CYLD: variants seen among roughly 807,000 people sequenced by gnomAD.
CYLD encodes the protein ubiquitin carboxyl-terminal hydrolase CYLD.
In CYLD, 26 loss-of-function variants were observed where a neutral mutation model predicts 104.5. The observed-to-expected ratio is 0.25, with a 90% CI of 0.18 to 0.35. CYLD has a LOEUF of 0.35. Ranked by LOEUF, CYLD falls within the 10% of genes least tolerant of loss-of-function variation. The pLI, the probability that CYLD is intolerant of heterozygous loss-of-function variation, is 1.00. For missense variants in CYLD, 703 were observed against 1,136.1 expected, an observed-to-expected ratio of 0.62 and a Z score of 5.48; for synonymous variants, 385 against 399.9, an observed-to-expected ratio of 0.96 and a Z score of 0.45.
intron 14 of CYLD, among the ~76,000 whole-genome samples, chr16:50,788,631 T>G (rs972699719): frequency 2.0e-5 from 3 of 152,176 alleles, no homozygotes; most frequent in African/African-American, 4.8e-5. Flanking sequence ...GAAATGAGAC[T>G]GATACATAAC....
intron 14 of CYLD, among the ~76,000 whole-genome samples, chr16:50,788,727 C>T (rs1040825771): frequency 2.0e-5 from 3 of 152,080 alleles, no homozygotes; most frequent in Non-Finnish European, 4.4e-5. Flanking sequence ...AAAATTACTA[C>T]AATTAGCAAA....
intron 9 of CYLD, among the ~76,000 whole-genome samples, chr16:50,780,356 G>C (rs964666200): frequency 2.6e-5 from 4 of 152,088 alleles, no homozygotes; most frequent in African/African-American, 9.7e-5. Context: ...TTCTTCTTCA[G>C]CCCCTTCCCC....
chr16:50,779,676 C>A lies in CYLD; in HGVS notation c.1150C>A (p.Pro384Thr). The stretch of plus-strand genomic sequence containing the variant: ...GAATAATTTTTTAGTTGCAGAAGAC[C>A]CTGCAAAATCTCTTACAGAGATATC... ...TWYIDEVAED[P>T]AKSLTEISTD... The change falls in exon 9 of 19, where the codon CCT (proline) becomes ACT (threonine). Residue 384 changes from proline to threonine, a missense_variant. Physicochemically the swap from Pro to Thr is conservative, Grantham distance 38 (BLOSUM62 -1). This residue lies in a region of CYLD where 183 missense variants were observed against 212.1 expected (regional missense o/e 0.86). Transcript: ENST00000427738. The A allele has an allele frequency of 6.2e-7, 1 of 1,613,332 alleles. No homozygotes were observed. The highest frequency in any genetic ancestry group is 8.5e-7 in the Non-Finnish European group (1 of 1,179,698).
intron 5 of CYLD, among the ~76,000 whole-genome samples, chr16:50,774,568 C>T (rs965304238): frequency 1.3e-5 from 2 of 152,168 alleles, no homozygotes; most frequent in African/African-American, 4.8e-5. Flanking sequence ...TGAATGTAAG[C>T]ACTGTGATAC....
intron 5 of CYLD, among the ~76,000 whole-genome samples, chr16:50,755,133 ACACGTG>A (rs1967007611): frequency 7.4e-6 from 1 of 134,852 alleles, no homozygotes; most frequent in Non-Finnish European, 1.6e-5. Flanking sequence ...GTATATATAC[ACACGTG>A]TACATATGTG....
rs1972310843 is a variant in CYLD, at chr16:50,799,474, A to G, written c.*2966A>G. 1 of 233,784 alleles carries G rather than the reference A, an allele frequency of 4.3e-6. No homozygotes were observed. Among genetic ancestry groups the G allele is most frequent in the East Asian group, 6.0e-5 (1 of 16,678 alleles). 14.5% of individuals were successfully genotyped at this position (233,784 alleles called of 1,614,324 possible). On this transcript the variant is annotated 3_prime_UTR_variant, in exon 19 of 19. Transcript: ENST00000427738. ...AGGAAAACACGTTGAAAACTAGGAT[A>G]AACAGCAACAAAAATCAACTAAATA...
chr16:50,753,895 G>C (rs540810382), intron 4 of CYLD, among the ~76,000 whole-genome samples: 1 of 152,266 alleles, frequency 6.6e-6, no homozygotes, highest in South Asian at 2.1e-4. Context: ...AAATGCTCAG[G>C]GAATATGAAG....
intron 12 of CYLD, chr16:50,786,514 C>T (rs1970837814): frequency 4.6e-6 from 1 of 218,576 alleles, no homozygotes; most frequent in South Asian, 5.3e-5. Context: ...AATCCCAGCA[C>T]TTTGGGAGGC....
intron 11 of CYLD, 62 bp from the exon 12 acceptor site, chr16:50,784,267 A>G: frequency 6.4e-7 from 1 of 1,557,904 alleles, no homozygotes; most frequent in Non-Finnish European, 8.8e-7. Context: ...AATTCTGTTA[A>G]AAATCTGTTT....
intron 13 of CYLD, 135 bp downstream of exon 13, chr16:50,787,081 G>T (rs745345393): frequency 2.8e-6 from 2 of 718,734 alleles, no homozygotes; most frequent in Non-Finnish European, 4.9e-6. Flanking sequence ...GTGATATATG[G>T]TTAGCTCCTC....
chr16:50,793,548 C>A lies in CYLD; in HGVS notation c.2353C>A (p.Pro785Thr), dbSNP rs1205715189. The part of the protein sequence containing the change: ...LNITDLLEDT[P>T]RQCRICGGLA... ...CCCTTCCCCTTCTCACATTTCAGCT[C>A]CCAGACAGTGCCGGATATGTGGAGG... Residue 785 changes from proline to threonine, a missense_variant and splice_region_variant, in exon 17 of 19, where the codon CCC becomes ACC. Around this residue, in one of 5 missense-constraint regions of CYLD, gnomAD observed 130 missense variants for 220.2 expected, o/e 0.59. Transcript: ENST00000427738. 1 of 1,606,952 alleles carries A rather than the reference C, an allele frequency of 6.2e-7. No individual in the cohort carries two copies. The highest frequency in any genetic ancestry group is 8.5e-7 in the Non-Finnish European group (1 of 1,173,550).
intron 2 of CYLD, among the ~76,000 whole-genome samples, chr16:50,748,073 T>A (rs955230668): frequency 2.6e-5 from 4 of 152,236 alleles, no homozygotes; most frequent in African/African-American, 9.7e-5. Context: ...TTTGGTTCTT[T>A]AGGAGTATTT....
At chr16:50,780,887 C>T (rs1970159474) in intron 9 of CYLD, among the ~76,000 whole-genome samples, 1 of 150,590 alleles carries the variant, frequency 6.6e-6, no homozygotes, top group South Asian at 2.1e-4. Flanking sequence ...TCTTATGGGG[C>T]ATGGTGGGGA....
rs758765051 is a variant in CYLD, at chr16:50,784,332, A to T, written c.1830A>T (p.Leu610Phe). ...AATTATCCTTTTTCTTTTGCAGCTT[A>T]TTTGCTTTTAGTTCTGTTCTGGACA... ...SCYLDSTLFC[L>F]FAFSSVLDTV... The change falls in exon 12 of 19, where the codon TTA becomes TTT. Residue 610 changes from leucine (L) to phenylalanine (F), a missense_variant. By Grantham distance (22) the Leu-to-Phe change is conservative (BLOSUM62 0). This residue lies in a region of CYLD where 125 missense variants were observed against 325.4 expected (regional missense o/e 0.38). Coordinates refer to ENST00000427738, the MANE Select transcript of CYLD (RefSeq NM_001378743.1). 6 of 1,613,188 alleles carry T rather than the reference A, an allele frequency of 3.7e-6. No individual in the cohort carries two copies. The South Asian group carries it at 6.6e-5, about 18-fold the overall frequency.
chr16:50,743,336 C>T (rs547163098), intron 2 of CYLD, among the ~76,000 whole-genome samples: 2 of 152,256 alleles, frequency 1.3e-5, no homozygotes, highest in Admixed American at 6.5e-5. Flanking sequence ...CCTCCCATTC[C>T]CCACTGAGCA....
chr16:50,784,234 GACTTT>G, intron 11 of CYLD, 90 bp from the exon 12 acceptor site: 1 of 1,351,896 alleles, frequency 7.4e-7, no homozygotes, highest in South Asian at 1.2e-5. Flanking sequence ...TTGTTCTCCA[GACTTT>G]ACTTATTTTC....
At chr16:50,778,212 CT>C in intron 8 of CYLD, 1 of 267,304 alleles carries the variant, frequency 3.7e-6, no homozygotes, top group Non-Finnish European at 7.1e-6. Context: ...CCTTCCTGAC[CT>C]CTTTAAAGCA....
chr16:50,790,101 G>A (rs1213801213), intron 14 of CYLD, among the ~76,000 whole-genome samples: 1 of 152,228 alleles, frequency 6.6e-6, no homozygotes, highest in Non-Finnish European at 1.5e-5. Flanking sequence ...TGTTTCAACA[G>A]ATAATAGCTG....
intron 5 of CYLD, among the ~76,000 whole-genome samples, chr16:50,756,188 TGGC>T (rs1410273067): frequency 1.1e-4 from 17 of 152,152 alleles, no homozygotes; most frequent in African/African-American, 3.6e-4. Context: ...AGTATAAGGG[TGGC>T]ATTAATATGT....
Sources: gnomAD v4.1 joint callset for allele counts (sites outside exome capture counted in the v4.1 genomes callset) on GRCh38, gnomAD v4.1.1 for gene constraint, gnomAD v4.1.1 regional missense constraint, MANE v1.5 for transcripts, NCBI Gene and HGNC (gene_info 2026-07-23, HGNC 2026-07-21) for gene names.